Variants in AFF2 observed in about 807,000 individuals in gnomAD.
The protein encoded by AFF2 is ALF transcription elongation factor 2, also known as AF4/FMR2 family member 2.
AFF2 carries 14 observed loss-of-function variants against 76.9 expected under a neutral mutation model. The ratio of observed to expected loss-of-function variants is 0.18; its 90% CI spans 0.12 to 0.28. The LOEUF (loss-of-function observed/expected upper bound fraction) is 0.28. AFF2 is among the 10% of genes least tolerant of loss of function. The pLI is 1.00. For missense variants in AFF2, 868 were observed against 1,001.1 expected (o/e 0.87, Z 1.79); for synonymous variants, 398 against 366.7 (o/e 1.09, Z -0.98).
intron 1 of AFF2, among the ~76,000 whole-genome samples, chrX:148,641,535 T>C (rs1489870563): frequency 1.8e-5 from 2 of 111,754 alleles, no homozygotes; most frequent in African/African-American, 6.5e-5. Context: ...AGACAAGGTC[T>C]AGATGATCTG....
At chrX:148,787,236 A>C (rs2069832530) in intron 3 of AFF2, among the ~76,000 whole-genome samples, 1 of 111,554 alleles carries the variant, frequency 9.0e-6, no homozygotes, top group Non-Finnish European at 1.9e-5. Context: ...AAAGAAATTA[A>C]TGCACTGGTT....
intron 3 of AFF2, among the ~76,000 whole-genome samples, chrX:148,788,326 A>G (rs1557269697): frequency 2.7e-5 from 3 of 112,447 alleles, no homozygotes; most frequent in African/African-American, 9.7e-5. Flanking sequence ...ATGCAATAAA[A>G]ATGAAGCAAG....
At chrX:148,856,488 C>G (rs1251305074) in intron 7 of AFF2, among the ~76,000 whole-genome samples, 1 of 111,132 alleles carries the variant, frequency 9.0e-6, no homozygotes, top group Non-Finnish European at 1.9e-5. Context: ...ACCCCTTAAC[C>G]CTGGCCCTCC....
At position 148,911,095 on chromosome X, in the gene AFF2, G is replaced by A. The variant is rs782762327; in HGVS notation, c.1397+6837G>A. On this transcript the variant is annotated intron_variant, in intron 9 of 20. Coordinates refer to ENST00000370460, the MANE Select transcript of AFF2 (RefSeq NM_002025.4). Reference sequence around the variant, plus strand: ...ATAAATTATATATATATATATATATGTGTATGTGTGTGTGTGTGTGTTTAT... The same window carrying A: ...ATAAATTATATATATATATATATATATGTATGTGTGTGTGTGTGTGTTTAT... 9.5e-5 allele frequency among the ~76,000 whole-genome samples: 10 copies of A among 105,444 alleles called. No individual in the cohort carries two copies. The East Asian group carries it at 1.7e-3, about 18-fold the overall frequency. The allele number at this position is 105,444 out of a possible 115,157, so 91.6% of individuals were successfully genotyped here.
chrX:148,841,129 A>G (rs1388801093), intron 5 of AFF2, among the ~76,000 whole-genome samples: 1 of 111,847 alleles, frequency 8.9e-6, no homozygotes, highest in African/African-American at 3.2e-5. Context: ...TAAGACCAGT[A>G]CAAAGACGGC....
chrX:148,623,495 A>G (rs1234062847), intron 1 of AFF2, among the ~76,000 whole-genome samples: 2 of 109,744 alleles, frequency 1.8e-5, no homozygotes, highest in African/African-American at 3.3e-5. Flanking sequence ...ACTGACTGAG[A>G]GAAGAACTTA....
At chrX:148,741,168 A>G (rs979923325) in intron 3 of AFF2, among the ~76,000 whole-genome samples, 51 of 111,285 alleles carry the variant, frequency 4.6e-4, no homozygotes, top group Non-Finnish European at 8.5e-4. Context: ...TCAGCTGTAG[A>G]GAGGGACTGG....
chrX:148,981,386 G>A (rs1353442604), intron 19 of AFF2, among the ~76,000 whole-genome samples: 3 of 110,702 alleles, frequency 2.7e-5, no homozygotes, highest in East Asian at 5.7e-4. Context: ...TGGAGTAGGG[G>A]CCCAAAAACC....
At chrX:148,941,473 T>C (rs1014460343) in intron 9 of AFF2, among the ~76,000 whole-genome samples, 15 of 111,930 alleles carry the variant, frequency 1.3e-4, no homozygotes, top group Non-Finnish European at 3.8e-5. Flanking sequence ...CTTAGACAAA[T>C]TGGAATAATG....
intron 1 of AFF2, among the ~76,000 whole-genome samples, chrX:148,556,260 G>A (rs782125379): frequency 8.9e-6 from 1 of 112,227 alleles, no homozygotes; most frequent in African/African-American, 3.2e-5. Flanking sequence ...TCCATGATTA[G>A]AAAAAAACTG....
intron 1 of AFF2, among the ~76,000 whole-genome samples, chrX:148,521,229 C>T (rs1557234427): frequency 9.0e-6 from 1 of 111,428 alleles, no homozygotes; most frequent in Non-Finnish European, 1.9e-5. Flanking sequence ...ACCATTCTTG[C>T]ACCCTGTGAC....
At position 148,886,315 on chromosome X, in the gene AFF2, G is replaced by A. The variant is rs139973426; in HGVS notation, c.1359+330G>A. On this transcript the variant is annotated intron_variant, in intron 8 of 20. Transcript: ENST00000370460. ...TGGACTACTTATTGTCTTGGGTGAG[G>A]TATAATTTTCATTTGGTGACTCTGG... is the stretch of plus-strand genomic sequence containing the variant. 9.7e-3 allele frequency among the ~76,000 whole-genome samples: 1,073 copies of A among 111,189 alleles called. 9 individuals carry two copies. The highest frequency in any genetic ancestry group is 0.016 in the South Asian group (41 of 2,579).
chrX:148,696,308 G>T (rs2054721517), intron 3 of AFF2, among the ~76,000 whole-genome samples: 1 of 109,398 alleles, frequency 9.1e-6, no homozygotes, highest in Admixed American at 9.8e-5. Context: ...GTGGGGTGGG[G>T]GGAGAGGGGA....
chrX:148,693,683 A>G (rs1055629593), intron 3 of AFF2, among the ~76,000 whole-genome samples: 20 of 111,789 alleles, frequency 1.8e-4, no homozygotes, highest in Admixed American at 8.5e-4. Context: ...AGAAAAGGCC[A>G]TCATTTGCTG....
chrX:148,952,576 T>C (rs1460477888), intron 9 of AFF2, among the ~76,000 whole-genome samples: 2 of 110,894 alleles, frequency 1.8e-5, no homozygotes, highest in Non-Finnish European at 3.8e-5. Context: ...CAAAATTCAG[T>C]CCAAAGCAAC....
In AFF2 at chrX:148,977,758, TC is replaced by T. The variant is rs782615680; in HGVS notation, c.3405-173del. 5.4e-5 allele frequency among the ~76,000 whole-genome samples: 6 copies of T among 111,503 alleles called. No individual in the cohort carries two copies. In the South Asian group the frequency reaches 2.3e-3, roughly 43 times the overall value. ...CATGAGTCCTCTTATGACATTTTTA[TC>T]CTCATTTTGTGTATGTTTTCGGGGA... On this transcript the variant is annotated intron_variant, in intron 16 of 20. Transcript: ENST00000370460.
chrX:148,845,137 ACACACACG>A (rs1336328287), intron 7 of AFF2, among the ~76,000 whole-genome samples: 16 of 43,180 alleles, frequency 3.7e-4, no homozygotes, highest in Non-Finnish European at 1.1e-3. Context: ...ACACACACAC[ACACACACG>A]CACACTCACA....
chrX:148,588,234 A>T (rs2053487915), intron 1 of AFF2, among the ~76,000 whole-genome samples: 1 of 113,009 alleles, frequency 8.8e-6, no homozygotes, highest in Non-Finnish European at 1.9e-5. Context: ...TAAAATGTAG[A>T]CATTTCTAAT....
chrX:148,870,498 TTC>T (rs1557277246), intron 7 of AFF2, among the ~76,000 whole-genome samples: 2 of 112,343 alleles, frequency 1.8e-5, no homozygotes, highest in African/African-American at 6.5e-5. Flanking sequence ...TGGTAGTTCA[TTC>T]TCTGTTTCTG....
Sources: allele counts gnomAD v4.1 joint callset (sites outside exome capture counted in the v4.1 genomes callset), GRCh38; gene constraint gnomAD v4.1.1; transcripts MANE v1.5; gene names NCBI Gene and HGNC (gene_info 2026-07-23, HGNC 2026-07-21).